The following COL25A1 variants were observed in gnomAD, a reference collection of about 807,000 sequenced individuals.
The protein encoded by COL25A1 is collagen alpha-1(XXV) chain.
A neutral mutation model predicts 128.4 loss-of-function variants in COL25A1; 103 were observed. That is an observed-to-expected ratio of 0.80 (90% CI 0.68 to 0.94). The LOEUF is 0.94. Among genes scored for constraint, COL25A1 ranks in the 40% least tolerant of loss-of-function variants. The probability of loss-of-function intolerance (pLI) is 0.00; values close to 1 mark genes in which losing one functional copy is unlikely to be tolerated. For missense variants in COL25A1, 745 were observed against 840.0 expected (o/e 0.89, Z 1.40); for synonymous variants, 279 against 277.2 (o/e 1.01, Z -0.06).
chr4:109,267,250 T>C (rs1444317008), intron 3 of COL25A1, among the ~76,000 whole-genome samples: 1 of 152,134 alleles, frequency 6.6e-6, no homozygotes, highest in Non-Finnish European at 1.5e-5. Context: ...TGACAAATAA[T>C]ACTGCAAATT....
chr4:108,961,616 GTT>G (rs1325400757), intron 8 of COL25A1, among the ~76,000 whole-genome samples: 26 of 151,654 alleles, frequency 1.7e-4, no homozygotes, highest in Non-Finnish European at 2.8e-4. Flanking sequence ...GTTCTGTTCT[GTT>G]CTGTTCTGTT....
intron 3 of COL25A1, among the ~76,000 whole-genome samples, chr4:109,133,026 C>G (rs1769379138): frequency 6.6e-6 from 1 of 151,862 alleles, no homozygotes; most frequent in African/African-American, 2.4e-5. Flanking sequence ...TATATTCATT[C>G]TTGTTTAGAG....
At chr4:109,173,361 C>A (rs1348399181) in intron 3 of COL25A1, among the ~76,000 whole-genome samples, 1 of 152,078 alleles carries the variant, frequency 6.6e-6, no homozygotes, top group African/African-American at 2.4e-5. Flanking sequence ...GTGCTTGGAT[C>A]ACAGGTCAAG....
At chr4:109,065,548 G>T (rs1472422910) in intron 3 of COL25A1, among the ~76,000 whole-genome samples, 2 of 55,968 alleles carry the variant, frequency 3.6e-5, no homozygotes, top group East Asian at 2.9e-4. Flanking sequence ...GCGCGCGCGT[G>T]TGTGTGTGTG....
chr4:108,976,522 TTAAAGA>T (rs1291478956), intron 6 of COL25A1, among the ~76,000 whole-genome samples: 4 of 152,244 alleles, frequency 2.6e-5, no homozygotes, highest in South Asian at 4.1e-4. Context: ...TTTCTAGCTC[TTAAAGA>T]TAAAGTCATG....
intron 3 of COL25A1, among the ~76,000 whole-genome samples, chr4:109,175,534 C>G (rs1277947052): frequency 3.3e-5 from 5 of 152,176 alleles, no homozygotes; most frequent in Non-Finnish European, 7.4e-5. Context: ...AAACATGTTA[C>G]TTTTCCCCCT....
chr4:109,044,961 CTT>C (rs1760290605), intron 5 of COL25A1, among the ~76,000 whole-genome samples: 1 of 152,184 alleles, frequency 6.6e-6, no homozygotes, highest in African/African-American at 2.4e-5. Context: ...CATTGGTCCA[CTT>C]ATATGCCAGT....
chr4:109,151,883 T>C (rs1044524644), intron 3 of COL25A1, among the ~76,000 whole-genome samples: 2 of 152,178 alleles, frequency 1.3e-5, no homozygotes, highest in Admixed American at 1.3e-4. Flanking sequence ...TTAGCTTTCA[T>C]AAAAAGGTAT....
chr4:108,930,521 G>T (rs1381388898), intron 11 of COL25A1, among the ~76,000 whole-genome samples: 1 of 152,236 alleles, frequency 6.6e-6, no homozygotes, highest in Non-Finnish European at 1.5e-5. Context: ...AGAAGGCAAA[G>T]AGGTGGGTAT....
chr4:109,040,323 C>CT (rs767668569), intron 5 of COL25A1, among the ~76,000 whole-genome samples: 16 of 152,204 alleles, frequency 1.1e-4, no homozygotes, highest in Non-Finnish European at 1.9e-4. Flanking sequence ...AGAAGCCACC[C>CT]TTTGTATAAG....
chr4:109,095,110 G>C (rs569493919), intron 3 of COL25A1, among the ~76,000 whole-genome samples: 1 of 152,312 alleles, frequency 6.6e-6, no homozygotes, highest in African/African-American at 2.4e-5. Context: ...ACACTGAAAA[G>C]TTCAAGCACA....
chr4:109,008,487 A>C (rs1056090845), intron 6 of COL25A1, among the ~76,000 whole-genome samples: 2 of 152,184 alleles, frequency 1.3e-5, no homozygotes. Flanking sequence ...TCAAATTCTT[A>C]AGAAATGCTT....
intron 13 of COL25A1, among the ~76,000 whole-genome samples, chr4:108,916,518 G>A (rs1744892460): frequency 6.6e-6 from 1 of 152,214 alleles, no homozygotes; most frequent in East Asian, 1.9e-4. Context: ...TTGTGTCAAA[G>A]CTGAAAAATG....
chr4:109,247,849 C>T (rs1338104631), intron 3 of COL25A1, among the ~76,000 whole-genome samples: 1 of 151,826 alleles, frequency 6.6e-6, no homozygotes, highest in Non-Finnish European at 1.5e-5. Flanking sequence ...GAGACAAGAT[C>T]CAAGTAAAAC....
chr4:109,093,111 C>T (rs74342019), intron 3 of COL25A1, among the ~76,000 whole-genome samples: 4,541 of 152,108 alleles, frequency 0.03, 118 homozygotes, highest in Middle Eastern at 0.065. Context: ...AACAAGAAGT[C>T]TTAAACCCGG....
chr4:109,020,046 A>G (rs1296465361), intron 5 of COL25A1, among the ~76,000 whole-genome samples: 1 of 152,080 alleles, frequency 6.6e-6, no homozygotes, highest in Non-Finnish European at 1.5e-5. Context: ...AATTTAGATA[A>G]AGTATCAACT....
At chr4:109,061,975 T>C (rs562965601) in intron 3 of COL25A1, among the ~76,000 whole-genome samples, 2 of 152,362 alleles carry the variant, frequency 1.3e-5, no homozygotes, top group East Asian at 3.9e-4. Context: ...TTGAGTTTCT[T>C]TTCTATGTTG....
chr4:109,204,620 CTT>C (rs912713986), intron 3 of COL25A1, among the ~76,000 whole-genome samples: 52 of 152,232 alleles, frequency 3.4e-4, no homozygotes, highest in African/African-American at 1.1e-3. Context: ...CCATAAGGAA[CTT>C]TTGTTTTATA....
At chr4:109,152,934 C>T (rs1264642954) in intron 3 of COL25A1, among the ~76,000 whole-genome samples, 5 of 151,892 alleles carry the variant, frequency 3.3e-5, no homozygotes, top group Admixed American at 3.3e-4. Context: ...CTGGGGAAGA[C>T]GCAAAAATTC....
Sources: allele counts gnomAD v4.1 joint callset (sites outside exome capture counted in the v4.1 genomes callset), GRCh38; gene constraint gnomAD v4.1.1; transcripts MANE v1.5; gene names NCBI Gene and HGNC (gene_info 2026-07-23, HGNC 2026-07-21).